Variants in TMED10 observed in about 807,000 individuals in gnomAD.
TMED10 encodes the protein transmembrane p24 trafficking protein 10.
In TMED10, 7 loss-of-function variants were observed where a neutral mutation model predicts 23.1. That is an observed-to-expected ratio of 0.30 (90% CI 0.17 to 0.57). The LOEUF (loss-of-function observed/expected upper bound fraction) is 0.57. TMED10 is among the 20% of genes least tolerant of loss of function. TMED10 has a pLI of 0.91. For missense variants in TMED10, 162 were observed against 274.8 expected (o/e 0.59, Z 2.90); for synonymous variants, 113 against 106.9 (o/e 1.06, Z -0.35).
chr14:75,138,523 G>C (rs1895780844), intron 3 of TMED10, among the ~76,000 whole-genome samples: 1 of 152,000 alleles, frequency 6.6e-6, no homozygotes, highest in Non-Finnish European at 1.5e-5. Flanking sequence ...ATCTCATATA[G>C]AGCTGCAGAA....
chr14:75,171,129 C>T (rs761634738), intron 1 of TMED10, among the ~76,000 whole-genome samples: 10 of 150,788 alleles, frequency 6.6e-5, no homozygotes, highest in African/African-American at 2.0e-4. Flanking sequence ...TATAAGGGAA[C>T]GAGGGAGGCA....
In TMED10 at chr14:75,176,547, G is replaced by C; in HGVS notation, c.33C>G (p.Arg11=). The C allele has an allele frequency of 6.2e-7, 1 of 1,614,164 alleles. No homozygotes were observed. The highest frequency in any genetic ancestry group is 1.1e-5 in the South Asian group (1 of 91,078). Residue 11 remains arginine, a synonymous_variant, in exon 1 of 5, where the codon CGC becomes CGG. Coordinates refer to ENST00000303575, the MANE Select transcript of TMED10 (RefSeq NM_006827.6). ...GCAGCAACGCTAACGGAAAAGGGCC[G>C]CGCCGGGCTGGTGGGCCAGACAAAC... MSGLSGPPAR[R]GPFPLALLLL... is the part of the protein sequence containing the mutation.
chr14:75,157,480 C>T (rs534264740), intron 1 of TMED10, among the ~76,000 whole-genome samples: 12 of 152,012 alleles, frequency 7.9e-5, no homozygotes, highest in Middle Eastern at 6.8e-3. Context: ...AGTGGGATGC[C>T]GTCTCTACAA....
At chr14:75,138,142 A>T (rs1380477382) in intron 3 of TMED10, among the ~76,000 whole-genome samples, 1 of 152,216 alleles carries the variant, frequency 6.6e-6, no homozygotes, top group East Asian at 1.9e-4. Context: ...ACAGCAGTTA[A>T]CAAGGGATGA....
intron 1 of TMED10, among the ~76,000 whole-genome samples, chr14:75,170,551 G>A (rs1449275142): frequency 6.6e-6 from 1 of 152,016 alleles, no homozygotes; most frequent in Non-Finnish European, 1.5e-5. Context: ...AGGAACCAAA[G>A]GGACAAATTG....
rs551145949 is a variant in TMED10, at chr14:75,159,910, AT to A, written c.226-7768del. ...CATTTTAAGGCAAAAACTGAAATTC[AT>A]TTCAAGAGGCTGAAGGCAAAGGGCC... On this transcript the variant is annotated intron_variant, in intron 1 of 4. Transcript: ENST00000303575. 6.3e-4 allele frequency among the ~76,000 whole-genome samples: 96 copies of A among 152,274 alleles called. 2 individuals are homozygous for A. The East Asian group carries it at 0.018, about 28-fold the overall frequency.
At chr14:75,167,383 C>T (rs1343677164) in intron 1 of TMED10, among the ~76,000 whole-genome samples, 1 of 151,980 alleles carries the variant, frequency 6.6e-6, no homozygotes, top group Non-Finnish European at 1.5e-5. Context: ...CTTCCTCCCT[C>T]CCCTGCCTCT....
At chr14:75,165,969 C>T (rs1896155799) in intron 1 of TMED10, among the ~76,000 whole-genome samples, 1 of 137,766 alleles carries the variant, frequency 7.3e-6, no homozygotes, top group Non-Finnish European at 1.5e-5. Context: ...ATACGTCATG[C>T]TTGACTTGGG....
chr14:75,156,856 G>T (rs1302514087), intron 1 of TMED10, among the ~76,000 whole-genome samples: 1 of 150,768 alleles, frequency 6.6e-6, no homozygotes, highest in Admixed American at 6.6e-5. Flanking sequence ...TTGAAACCAG[G>T]GTGAGAGAGA....
At chr14:75,148,898 A>C (rs538218058) in intron 2 of TMED10, among the ~76,000 whole-genome samples, 1 of 152,286 alleles carries the variant, frequency 6.6e-6, no homozygotes, top group East Asian at 1.9e-4. Context: ...TAAAACCTTT[A>C]ATTTTATTTA....
chr14:75,167,560 C>A (rs1896180683), intron 1 of TMED10, among the ~76,000 whole-genome samples: 2 of 152,056 alleles, frequency 1.3e-5, no homozygotes, highest in African/African-American at 2.4e-5. Flanking sequence ...AGTTTCCCAA[C>A]TGCCAAGTTA....
chr14:75,135,033 CAT>C (rs1566668020), intron 4 of TMED10, 27 bp from the exon 5 acceptor site: 1 of 1,612,722 alleles, frequency 6.2e-7, no homozygotes, highest in Non-Finnish European at 8.5e-7. Flanking sequence ...GCATTGTAAA[CAT>C]AATGAAGTGA....
chr14:75,146,584 G>A (rs1482810788), intron 3 of TMED10, among the ~76,000 whole-genome samples: 1 of 151,972 alleles, frequency 6.6e-6, no homozygotes, highest in Admixed American at 6.6e-5. Context: ...TTTTTCAAAG[G>A]TGCCCTTCAT....
intron 3 of TMED10, among the ~76,000 whole-genome samples, chr14:75,137,696 G>GTTTCTTTC (rs143329685): frequency 5.6e-5 from 7 of 125,780 alleles, no homozygotes; most frequent in East Asian, 2.7e-4. Context: ...AAAAAATTCT[G>GTTTCTTTC]TTTCTTTCTT....
chr14:75,176,265 C>T, intron 1 of TMED10, 90 bp downstream of exon 1: 1 of 1,510,692 alleles, frequency 6.6e-7, no homozygotes, highest in Admixed American at 1.8e-5. Flanking sequence ...AACTCCCAGG[C>T]CTCCGCCGGC....
At chr14:75,174,885 C>T (rs920205724) in intron 1 of TMED10, among the ~76,000 whole-genome samples, 16 of 151,584 alleles carry the variant, frequency 1.1e-4, no homozygotes, top group African/African-American at 3.6e-4. Context: ...TACTAAAATA[C>T]AAAAATTAGC....
chr14:75,173,242 C>G (rs1896257321), intron 1 of TMED10, among the ~76,000 whole-genome samples: 1 of 152,088 alleles, frequency 6.6e-6, no homozygotes, highest in Admixed American at 6.6e-5. Context: ...TGAAAACTAG[C>G]CGGATATGGT....
chr14:75,135,631 C>A (rs555682777), intron 4 of TMED10, 129 bp downstream of exon 4: 24 of 1,310,370 alleles, frequency 1.8e-5, no homozygotes, highest in Middle Eastern at 2.4e-4. Flanking sequence ...GCAACAACAG[C>A]GAAGCAAGCA....
In TMED10 at chr14:75,176,585, T is replaced by A; in HGVS notation, c.-6A>T. On this transcript the variant is annotated 5_prime_UTR_variant, in exon 1 of 5. Coordinates refer to ENST00000303575, the MANE Select transcript of TMED10 (RefSeq NM_006827.6). ...GGGCCAGACAAACCAGACATGGTGC[T>A]GGAGACTCGTTCACCACCGAAGGCC... The A allele has an allele frequency of 6.2e-7, 1 of 1,613,926 alleles. No individual in the cohort carries two copies.
Sources: gnomAD v4.1 joint callset for allele counts (sites outside exome capture counted in the v4.1 genomes callset) on GRCh38, gnomAD v4.1.1 for gene constraint, MANE v1.5 for transcripts, NCBI Gene and HGNC (gene_info 2026-07-23, HGNC 2026-07-21) for gene names.